Variants in FAM3D observed in about 807,000 individuals in gnomAD.
The protein encoded by FAM3D is FAM3 metabolism regulating signaling molecule D, also known as protein FAM3D.
Under a neutral mutation model 29.8 loss-of-function variants are expected in FAM3D, and 26 were observed. The ratio of observed to expected loss-of-function variants is 0.87; its 90% CI spans 0.64 to 1.21. The LOEUF is 1.21. FAM3D is among the 50% of genes most tolerant of loss of function. The pLI, the probability that FAM3D is intolerant of heterozygous loss-of-function variation, is 0.00. For missense variants in FAM3D, 253 were observed against 290.9 expected (o/e 0.87, Z 0.95); for synonymous variants, 115 against 102.3 (o/e 1.12, Z -0.75).
chr3:58,647,700 A>G (rs2066519358), intron 4 of FAM3D, among the ~76,000 whole-genome samples: 1 of 152,188 alleles, frequency 6.6e-6, no homozygotes, highest in African/African-American at 2.4e-5. Context: ...TCTGGGAGGC[A>G]GGAGATTTGC....
chr3:58,637,002 T>G, intron 8 of FAM3D, 139 bp downstream of exon 8: 1 of 716,308 alleles, frequency 1.4e-6, no homozygotes, highest in Non-Finnish European at 2.4e-6. Context: ...GAACATTTCT[T>G]TGCATACTTG....
intron 6 of FAM3D, among the ~76,000 whole-genome samples, chr3:58,641,485 G>A (rs2066333429): frequency 6.6e-6 from 1 of 151,900 alleles, no homozygotes; most frequent in South Asian, 2.1e-4. Flanking sequence ...CTCAGCCTTA[G>A]CTGGGACTAC....
intron 1 of FAM3D, chr3:58,657,434 T>A (rs1027843082): frequency 6.6e-5 from 10 of 152,066 alleles, no homozygotes; most frequent in African/African-American, 2.2e-4. Context: ...ACAAGTACTT[T>A]TAATATGCGC....
At chr3:58,664,185 T>C (rs1318407922) in intron 1 of FAM3D, among the ~76,000 whole-genome samples, 2 of 152,212 alleles carry the variant, frequency 1.3e-5, no homozygotes, top group Non-Finnish European at 2.9e-5. Context: ...AGACCTCCCA[T>C]GCAAAGTTAT....
intron 1 of FAM3D, among the ~76,000 whole-genome samples, chr3:58,661,434 TCTC>T (rs1214650588): frequency 6.6e-6 from 1 of 152,152 alleles, no homozygotes; most frequent in East Asian, 1.9e-4. Context: ...ACCTCTCTCC[TCTC>T]CTCAGATAGG....
chr3:58,637,842 C>G (rs2066217330), intron 7 of FAM3D, among the ~76,000 whole-genome samples: 1 of 151,484 alleles, frequency 6.6e-6, no homozygotes, highest in Non-Finnish European at 1.5e-5. Flanking sequence ...CATCAGCATC[C>G]AGCTCACTGT....
At chr3:58,648,821 C>T (rs1240570298) in intron 4 of FAM3D, among the ~76,000 whole-genome samples, 1 of 152,208 alleles carries the variant, frequency 6.6e-6, no homozygotes, top group African/African-American at 2.4e-5. Context: ...TTCTCTTAGG[C>T]AGGTCTGGCA....
intron 1 of FAM3D, among the ~76,000 whole-genome samples, chr3:58,656,960 A>G (rs2066821587): frequency 6.6e-6 from 1 of 152,188 alleles, no homozygotes; most frequent in Non-Finnish European, 1.5e-5. Flanking sequence ...TCCTCTTGTG[A>G]ATTGTAACAG....
intron 3 of FAM3D, among the ~76,000 whole-genome samples, chr3:58,650,062 C>T (rs762927575): frequency 3.3e-5 from 5 of 152,250 alleles, no homozygotes; most frequent in Non-Finnish European, 7.3e-5. Context: ...CTCTAGGGCC[C>T]TTGGCCACTT....
Position 58,649,432 on chromosome 3 carries a change from G to C in FAM3D, c.122-94C>G. 3 of 1,481,726 alleles carry C rather than the reference G, an allele frequency of 2.0e-6. No individual in the cohort carries two copies. The South Asian group carries it at 3.5e-5, about 17-fold the overall frequency. The allele number at this position is 1,481,726 out of a possible 1,614,324, so 91.8% of individuals were successfully genotyped here. ...GCTGGGGGCTGGGGAGTGGGAATAA[G>C]GGGATTTAAATTGGCGCCATTGAAA... On this transcript the variant is annotated intron_variant, in intron 3 of 9. Coordinates refer to ENST00000358781, the MANE Select transcript of FAM3D (RefSeq NM_138805.3).
chr3:58,646,179 A>T (rs34684924), intron 4 of FAM3D, among the ~76,000 whole-genome samples: 65,626 of 152,144 alleles, frequency 0.43, 15,352 homozygotes, highest in Admixed American at 0.54. Flanking sequence ...CTCAGTACAC[A>T]TTGGCTATTC....
intron 5 of FAM3D, among the ~76,000 whole-genome samples, chr3:58,645,196 C>T (rs918731829): frequency 2.0e-5 from 3 of 152,208 alleles, no homozygotes; most frequent in African/African-American, 4.8e-5. Context: ...AGGTCAAATC[C>T]TGGTCCTGCC....
chr3:58,641,008 C>T (rs905520153), intron 6 of FAM3D, among the ~76,000 whole-genome samples: 1 of 150,638 alleles, frequency 6.6e-6, no homozygotes, highest in African/African-American at 2.5e-5. Flanking sequence ...TGATCGCGTG[C>T]GCTTGTGAAT....
chr3:58,639,015 T>C (rs2066253046), intron 7 of FAM3D, among the ~76,000 whole-genome samples: 2 of 152,364 alleles, frequency 1.3e-5, no homozygotes, highest in African/African-American at 2.4e-5. Flanking sequence ...CCCTTTTGTT[T>C]CCTGAAGGGA....
Position 58,655,519 on chromosome 3 carries a change from A to C in FAM3D, c.13+32T>G, listed in dbSNP as rs764204170. 6 of 1,613,232 alleles carry C rather than the reference A, an allele frequency of 3.7e-6. No homozygotes were observed. In the South Asian group the frequency reaches 6.6e-5, roughly 18 times the overall value. On this transcript the variant is annotated intron_variant, in intron 2 of 9. Transcript: ENST00000358781. ...AGGATGGGTGGACACAGCTGACAGAAAAATGACTCCAAAACCAATTTCAGA... is the reference window on the plus strand; with the variant it reads ...AGGATGGGTGGACACAGCTGACAGACAAATGACTCCAAAACCAATTTCAGA...
chr3:58,647,063 C>T (rs1025172951), intron 4 of FAM3D, among the ~76,000 whole-genome samples: 3 of 152,182 alleles, frequency 2.0e-5, no homozygotes, highest in Non-Finnish European at 4.4e-5. Context: ...CAAATGCAGC[C>T]CACACCAGGG....
intron 5 of FAM3D, 81 bp downstream of exon 5, chr3:58,645,428 G>T: frequency 1.7e-6 from 2 of 1,149,966 alleles, no homozygotes; most frequent in Admixed American, 5.4e-5. Flanking sequence ...GCCAGCCCCT[G>T]CAGCCTCTGA....
At chr3:58,663,141 C>T (rs1301881019) in intron 1 of FAM3D, among the ~76,000 whole-genome samples, 1 of 152,326 alleles carries the variant, frequency 6.6e-6, no homozygotes, top group Admixed American at 6.5e-5. Context: ...TCAAGTGATC[C>T]ACCTGCCTTG....
In FAM3D at chr3:58,663,630, C is replaced by T. The variant is rs78111044; in HGVS notation, c.-39+2946G>A. ...CCTGAGGTTTGAACACTTCAGTCCT[C>T]ATGGGACCTAAAGAATCGGGCCAAC... On this transcript the variant is annotated intron_variant, in intron 1 of 9. Coordinates refer to ENST00000358781, the MANE Select transcript of FAM3D (RefSeq NM_138805.3). Among the ~76,000 whole-genome samples, 552 of 152,328 alleles carry T rather than the reference C, an allele frequency of 3.6e-3. 7 individuals carry two copies. Among genetic ancestry groups the T allele is most frequent in the African/African-American group, 0.013 (527 of 41,568 alleles).
Sources: gnomAD v4.1 joint callset for allele counts (sites outside exome capture counted in the v4.1 genomes callset) on GRCh38, gnomAD v4.1.1 for gene constraint, MANE v1.5 for transcripts, NCBI Gene and HGNC (gene_info 2026-07-23, HGNC 2026-07-21) for gene names.